The following GFRA2 variants were observed in gnomAD, a reference collection of about 807,000 sequenced individuals.
GFRA2 encodes the protein GDNF family receptor alpha 2.
In GFRA2, 17 loss-of-function variants were observed where a neutral mutation model predicts 48.3. That is an observed-to-expected ratio of 0.35 (90% CI 0.24 to 0.53). The LOEUF (loss-of-function observed/expected upper bound fraction) is 0.53, where lower values mean the gene tolerates loss of function less well. GFRA2 is among the 20% of genes least tolerant of loss of function. The pLI is 0.93. For missense variants in GFRA2, 660 were observed against 637.3 expected, an observed-to-expected ratio of 1.04 and a Z score of -0.38; for synonymous variants, 305 against 257.2, an observed-to-expected ratio of 1.19 and a Z score of -1.78.
chr8:21,804,206 A>G (rs1347088294), intron 2 of GFRA2, among the ~76,000 whole-genome samples: 1 of 151,498 alleles, frequency 6.6e-6, no homozygotes, highest in Non-Finnish European at 1.5e-5. Context: ...ACATGCACAC[A>G]CACACACACA....
chr8:21,749,221 C>G (rs1249111591), intron 4 of GFRA2, among the ~76,000 whole-genome samples: 3 of 151,414 alleles, frequency 2.0e-5, no homozygotes, highest in Non-Finnish European at 2.9e-5. Flanking sequence ...CATGCACCAC[C>G]ACCCGCCCCT....
At chr8:21,717,847 G>T (rs941045621) in intron 4 of GFRA2, among the ~76,000 whole-genome samples, 4 of 152,180 alleles carry the variant, frequency 2.6e-5, no homozygotes, top group Non-Finnish European at 4.4e-5. Flanking sequence ...GGGGCTGCTA[G>T]AAGTAGAAAT....
intron 7 of GFRA2, among the ~76,000 whole-genome samples, chr8:21,699,296 C>T (rs184858598): frequency 1.8e-3 from 276 of 152,274 alleles, no homozygotes; most frequent in African/African-American, 6.5e-3. Context: ...GAGAGGTGGC[C>T]GCTGGCTGCA....
intron 1 of GFRA2, among the ~76,000 whole-genome samples, chr8:21,785,537 G>T (rs1467592283): frequency 6.6e-6 from 1 of 152,202 alleles, no homozygotes; most frequent in African/African-American, 2.4e-5. Flanking sequence ...GATCCATCAA[G>T]ACACAGGGAG....
rs1200717430 is a variant in GFRA2, at chr8:21,746,786, T to A, written c.794+3802A>T. Among the ~76,000 whole-genome samples, 6 of 144,098 alleles carry A rather than the reference T, an allele frequency of 4.2e-5. No homozygotes were observed. In the East Asian group the frequency reaches 6.0e-4, roughly 14 times the overall value. 94.5% of individuals were successfully genotyped at this position (144,098 alleles called of 152,430 possible). On this transcript the variant is annotated intron_variant, in intron 4 of 8. Coordinates refer to ENST00000524240, the MANE Select transcript of GFRA2 (RefSeq NM_001495.5). The stretch of plus-strand genomic sequence containing the variant: ...CTCCTGTTTCCTAGCTTCCCCCACC[T>A]CCAGAAAAGCAAAAAAAAAAAAGAG...
At chr8:21,729,652 G>A (rs1003132951) in intron 4 of GFRA2, among the ~76,000 whole-genome samples, 1 of 152,176 alleles carries the variant, frequency 6.6e-6, no homozygotes, top group Non-Finnish European at 1.5e-5. Flanking sequence ...CAAGCTCGCA[G>A]GGAAATCCCT....
chr8:21,746,537 C>T (rs1805014250), intron 4 of GFRA2, among the ~76,000 whole-genome samples: 1 of 152,150 alleles, frequency 6.6e-6, no homozygotes, highest in Admixed American at 6.5e-5. Flanking sequence ...CTAAAGTGAG[C>T]CATGTACCTA....
At chr8:21,696,613 AT>A (rs2117323220) in intron 7 of GFRA2, among the ~76,000 whole-genome samples, 1 of 152,232 alleles carries the variant, frequency 6.6e-6, no homozygotes, top group South Asian at 2.1e-4. Flanking sequence ...CACCAAGTGC[AT>A]TTTCCCTGGC....
chr8:21,791,720 G>C (rs1387109227), upstream of GFRA2, among the ~76,000 whole-genome samples: 3 of 152,194 alleles, frequency 2.0e-5, no homozygotes, highest in African/African-American at 7.2e-5. Flanking sequence ...CTAGTACAAT[G>C]CCTGGCCCAT....
rs189830333 is a variant in GFRA2, at chr8:21,700,563, C to G, written c.1218+2242G>C. ...TGGCCAGGAGGCAGGGTTGCTGGCC[C>G]TTCTCGACTGCCAACTGGCTGTGGG... On this transcript the variant is annotated intron_variant, in intron 7 of 8. Coordinates refer to ENST00000524240, the MANE Select transcript of GFRA2 (RefSeq NM_001495.5). Among the ~76,000 whole-genome samples the G allele has an allele frequency of 6.2e-3, 951 of 152,276 alleles. 8 individuals are homozygous for G. Among genetic ancestry groups the G allele is most frequent in the Middle Eastern group, 0.017 (5 of 294 alleles).
intron 2 of GFRA2, among the ~76,000 whole-genome samples, chr8:21,795,613 G>A (rs1020499811): frequency 3.3e-5 from 5 of 152,182 alleles, no homozygotes; most frequent in South Asian, 2.1e-4. Flanking sequence ...GGCTGGTCTC[G>A]AACTCTCAGC....
At chr8:21,744,229 C>A (rs563858300) in intron 4 of GFRA2, among the ~76,000 whole-genome samples, 6 of 152,148 alleles carry the variant, frequency 3.9e-5, no homozygotes, top group Non-Finnish European at 7.3e-5. Context: ...CTTCCCACCC[C>A]CTGAGGACAG....
intron 4 of GFRA2, among the ~76,000 whole-genome samples, chr8:21,713,656 C>G (rs1308490105): frequency 2.0e-5 from 3 of 152,054 alleles, no homozygotes; most frequent in Admixed American, 1.3e-4. Context: ...GTCCGCAGAC[C>G]AAAAGCATCA....
At chr8:21,698,523 C>G (rs947054981) in intron 7 of GFRA2, among the ~76,000 whole-genome samples, 1 of 152,150 alleles carries the variant, frequency 6.6e-6, no homozygotes, top group African/African-American at 2.4e-5. Flanking sequence ...TAGTGTTGTC[C>G]TGCTGGCTGA....
At position 21,714,246 on chromosome 8, in the gene GFRA2, C is replaced by CTTTTTTTTTTTTTTTTTTTTTT. The variant is rs10674628; in HGVS notation, c.795-8227_795-8206dup. 5.1e-4 allele frequency among the ~76,000 whole-genome samples: 40 copies of CTTTTTTTTTTTTTTTTTTTTTT among 78,402 alleles called. 7 individuals carry two copies. Among genetic ancestry groups the CTTTTTTTTTTTTTTTTTTTTTT allele is most frequent in the African/African-American group, 2.0e-3 (38 of 19,304 alleles). The allele number at this position is 78,402 out of a possible 152,430, so 51.4% of individuals were successfully genotyped here. On this transcript the variant is annotated intron_variant, in intron 4 of 8. Coordinates refer to ENST00000524240, the MANE Select transcript of GFRA2 (RefSeq NM_001495.5). ...GATCAATACATACTGGTCTGAAGTT[C>CTTTTTTTTTTTTTTTTTTTTTT]TTTTTTTTTTTTTTTTTTTTTTTGA...
chr8:21,763,299 TC>T, intron 3 of GFRA2, among the ~76,000 whole-genome samples: 2 of 152,318 alleles, frequency 1.3e-5, no homozygotes, highest in South Asian at 4.1e-4. Flanking sequence ...ATTGGGCAGC[TC>T]ATGGATGGCT....
Position 21,710,986 on chromosome 8 carries a change from C to T in GFRA2, c.795-4945G>A, listed in dbSNP as rs573591131. Among the ~76,000 whole-genome samples, 4 of 152,342 alleles carry T rather than the reference C, an allele frequency of 2.6e-5. No individual in the cohort carries two copies. In the East Asian group the frequency reaches 7.7e-4, roughly 29 times the overall value. ...TGATCAAGTCCACAGCAGTGGGCTCCCTCTGCCAGCATCAGAGACCACGTG... is the reference window on the plus strand; with the variant it reads ...TGATCAAGTCCACAGCAGTGGGCTCTCTCTGCCAGCATCAGAGACCACGTG... On this transcript the variant is annotated intron_variant, in intron 4 of 8. Coordinates refer to ENST00000524240, the MANE Select transcript of GFRA2 (RefSeq NM_001495.5).
At chr8:21,749,215 C>T (rs1261828078) in intron 4 of GFRA2, among the ~76,000 whole-genome samples, 1 of 151,272 alleles carries the variant, frequency 6.6e-6, no homozygotes, top group African/African-American at 2.4e-5. Context: ...TATAACCATG[C>T]ACCACCACCC....
At chr8:21,785,693 C>T (rs1041747099) in intron 1 of GFRA2, among the ~76,000 whole-genome samples, 31 of 152,316 alleles carry the variant, frequency 2.0e-4, no homozygotes, top group African/African-American at 6.3e-4. Flanking sequence ...CCAACACCCC[C>T]ACCCGAGTCA....
Sources: gnomAD v4.1 joint callset for allele counts (sites outside exome capture counted in the v4.1 genomes callset) on GRCh38, gnomAD v4.1.1 for gene constraint, MANE v1.5 for transcripts, NCBI Gene and HGNC (gene_info 2026-07-23, HGNC 2026-07-21) for gene names.